Variants in LSM3 observed in about 807,000 individuals in gnomAD.
LSM3 encodes U6 snRNA-associated Sm-like protein LSm3.
LSM3 carries 14 observed loss-of-function variants against 15.4 expected under a neutral mutation model. The observed-to-expected ratio is 0.91, with a 90% CI of 0.60 to 1.42. The LOEUF (loss-of-function observed/expected upper bound fraction) is 1.42, where lower values mean the gene tolerates loss of function less well. LSM3 is among the 40% of genes most tolerant of loss of function. The probability of loss-of-function intolerance (pLI) is 0.00; values close to 1 mark genes in which losing one functional copy is unlikely to be tolerated. For synonymous variants in LSM3, 46 were observed against 45.1 expected (o/e 1.02, Z -0.08); for missense variants, 88 against 127.9 (o/e 0.69, Z 1.50).
Position 14,178,878 on chromosome 3 carries a change from C to T in LSM3, c.18C>T (p.Asp6=), listed in dbSNP as rs371231315. MADDV[D]QQQTTNTVEE... ...TTTGAAACATGGCGGACGACGTAGACCAGGTAAGTGTATTTTAAGGAGGTC... is the reference window on the plus strand; with the variant it reads ...TTTGAAACATGGCGGACGACGTAGATCAGGTAAGTGTATTTTAAGGAGGTC... The change falls in exon 1 of 4, where the codon GAC becomes GAT. Residue 6 remains aspartate (D), a synonymous_variant. Coordinates refer to ENST00000306024, the MANE Select transcript of LSM3 (RefSeq NM_014463.3). 2 of 1,614,200 alleles carry T rather than the reference C, an allele frequency of 1.2e-6. No individual in the cohort carries two copies. Among genetic ancestry groups the T allele is most frequent in the South Asian group, 1.1e-5 (1 of 91,084 alleles).
chr3:14,188,917 A>C (rs1398816494), intron 3 of LSM3, among the ~76,000 whole-genome samples: 1 of 152,012 alleles, frequency 6.6e-6, no homozygotes, highest in Non-Finnish European at 1.5e-5. Flanking sequence ...TCAACCCGTC[A>C]CCTACATTAT....
intron 3 of LSM3, among the ~76,000 whole-genome samples, chr3:14,195,643 A>C (rs1233051154): frequency 6.6e-6 from 1 of 152,208 alleles, no homozygotes; most frequent in African/African-American, 2.4e-5. Flanking sequence ...TACTGTTAGG[A>C]GCCCATAGCA....
rs1697165735 is a variant in LSM3, at chr3:14,194,021, G to A, written c.229-4015G>A. Among the ~76,000 whole-genome samples, 3 of 152,180 alleles carry A rather than the reference G, an allele frequency of 2.0e-5. 1 individual carries two copies. The South Asian group carries it at 6.2e-4, about 32-fold the overall frequency. The stretch of plus-strand genomic sequence containing the variant: ...TGTGTTTGTTTCTTTCCTTCCAACA[G>A]TCAGGCCCCTCTGCTGCCAGTCTGC... On this transcript the variant is annotated intron_variant, in intron 3 of 3. Coordinates refer to ENST00000306024, the MANE Select transcript of LSM3 (RefSeq NM_014463.3).
chr3:14,186,554 G>A (rs1386563353), intron 3 of LSM3, among the ~76,000 whole-genome samples: 1 of 152,108 alleles, frequency 6.6e-6, no homozygotes, highest in East Asian at 1.9e-4. Context: ...TCCTTTGCTA[G>A]TGTTCTTTCT....
At chr3:14,189,858 A>G (rs149240210) in intron 3 of LSM3, among the ~76,000 whole-genome samples, 2 of 152,376 alleles carry the variant, frequency 1.3e-5, no homozygotes, top group Non-Finnish European at 2.9e-5. Context: ...TGTTTTAGAC[A>G]TGAAGTCTTT....
At chr3:14,190,501 G>A (rs1257107384) in intron 3 of LSM3, among the ~76,000 whole-genome samples, 2 of 152,102 alleles carry the variant, frequency 1.3e-5, no homozygotes, top group African/African-American at 4.8e-5. Flanking sequence ...CCTTGAAGAG[G>A]TTCTTCACAT....
chr3:14,185,320 C>G (rs1335677498), intron 3 of LSM3, among the ~76,000 whole-genome samples: 1 of 152,058 alleles, frequency 6.6e-6, no homozygotes, highest in African/African-American at 2.4e-5. Context: ...CTACTGTACT[C>G]CAGCCTGGGG....
chr3:14,185,722 G>A (rs899495619), intron 3 of LSM3, among the ~76,000 whole-genome samples: 1 of 152,128 alleles, frequency 6.6e-6, no homozygotes, highest in South Asian at 2.1e-4. Flanking sequence ...TAAACTTTTC[G>A]TACTCTTGTT....
chr3:14,179,015 A>ACCC, intron 1 of LSM3, 134 bp downstream of exon 1: 2 of 953,462 alleles, frequency 2.1e-6, no homozygotes, highest in Non-Finnish European at 3.2e-6. Context: ...CCTTTCCGTA[A>ACCC]CCCCCCCTCC....
chr3:14,184,203 A>T (rs1267808091), intron 3 of LSM3, among the ~76,000 whole-genome samples, 171 bp downstream of exon 3: 1 of 152,220 alleles, frequency 6.6e-6, no homozygotes, highest in Non-Finnish European at 1.5e-5. Flanking sequence ...TGTTGCCAGT[A>T]CTGGCTTGAC....
At chr3:14,197,234 TTC>T (rs1271298924) in intron 3 of LSM3, among the ~76,000 whole-genome samples, 1 of 152,262 alleles carries the variant, frequency 6.6e-6, no homozygotes, top group Non-Finnish European at 1.5e-5. Flanking sequence ...GCCTGAGCTT[TTC>T]TGTTTCTTCT....
At position 14,180,850 on chromosome 3, in the gene LSM3, TTTTTTTTA is replaced by T. The variant is rs1559390218; in HGVS notation, c.22-709_22-702del. ...TTTTTTTTTTTTTTTTTTTTTTTTT[TTTTTTTTA>T]AAAAAAAAAAAGACAAGAGTCTCAC... On this transcript the variant is annotated intron_variant, in intron 1 of 3. Transcript: ENST00000306024. 5.0e-3 allele frequency among the ~76,000 whole-genome samples: 410 copies of T among 82,298 alleles called. 22 individuals carry two copies. The highest frequency in any genetic ancestry group is 0.021 in the African/African-American group (391 of 18,626). 54.0% of individuals were successfully genotyped at this position (82,298 alleles called of 152,430 possible).
At chr3:14,191,801 G>C (rs1697142492) in intron 3 of LSM3, among the ~76,000 whole-genome samples, 1 of 151,330 alleles carries the variant, frequency 6.6e-6, no homozygotes, top group African/African-American at 2.4e-5. Flanking sequence ...GTCTGATCTT[G>C]GTTATTTCAT....
chr3:14,187,752 T>TC (rs966226381), intron 3 of LSM3, among the ~76,000 whole-genome samples: 1 of 152,272 alleles, frequency 6.6e-6, no homozygotes, highest in African/African-American at 2.4e-5. Context: ...TGGGTTTTTT[T>TC]CCCCCTATAA....
chr3:14,181,053 C>T (rs1458287780), intron 1 of LSM3, among the ~76,000 whole-genome samples: 2 of 151,922 alleles, frequency 1.3e-5, no homozygotes, highest in Non-Finnish European at 2.9e-5. Context: ...ATACTGGCTA[C>T]TAAATATATT....
intron 3 of LSM3, among the ~76,000 whole-genome samples, chr3:14,196,969 C>G (rs955359693): frequency 2.0e-5 from 3 of 152,160 alleles, no homozygotes; most frequent in Non-Finnish European, 4.4e-5. Flanking sequence ...GTTTCTCACC[C>G]CTGTTCTGCT....
intron 3 of LSM3, among the ~76,000 whole-genome samples, chr3:14,194,076 A>T (rs546827955): frequency 2.4e-4 from 37 of 152,304 alleles, no homozygotes; most frequent in Non-Finnish European, 4.6e-4. Context: ...TTGTGTGGAT[A>T]TCACCAGCGG....
intron 3 of LSM3, among the ~76,000 whole-genome samples, chr3:14,188,855 G>A (rs534661163): frequency 1.3e-5 from 2 of 151,384 alleles, no homozygotes; most frequent in South Asian, 2.1e-4. Flanking sequence ...TGTGCATAAC[G>A]TGCAGTTTTG....
intron 3 of LSM3, among the ~76,000 whole-genome samples, chr3:14,196,119 A>G (rs1247701587): frequency 6.8e-6 from 1 of 146,826 alleles, no homozygotes; most frequent in Non-Finnish European, 1.5e-5. Context: ...CACCTGGCTA[A>G]TTTTTTTTTT....
Sources: gnomAD v4.1 joint callset for allele counts (sites outside exome capture counted in the v4.1 genomes callset) on GRCh38, gnomAD v4.1.1 for gene constraint, MANE v1.5 for transcripts, NCBI Gene and HGNC (gene_info 2026-07-23, HGNC 2026-07-21) for gene names.